RABAC1: variants seen among roughly 807,000 people sequenced by gnomAD.
RABAC1 encodes the protein Rab acceptor 1, also known as prenylated Rab acceptor protein 1.
Under a neutral mutation model 22.9 loss-of-function variants are expected in RABAC1, and 16 were observed. The observed-to-expected ratio is 0.70, with a 90% CI of 0.47 to 1.06. The LOEUF (loss-of-function observed/expected upper bound fraction) is 1.06, where lower values mean the gene tolerates loss of function less well. RABAC1 is among the 50% of genes least tolerant of loss of function. The pLI is 0.00. For synonymous variants in RABAC1, 139 were observed against 107.7 expected, an observed-to-expected ratio of 1.29 and a Z score of -1.80; for missense variants, 227 against 246.5, an observed-to-expected ratio of 0.92 and a Z score of 0.53.
chr19:41,958,077 G>A (rs532845728), intron 3 of RABAC1: 2 of 544,888 alleles, frequency 3.7e-6, no homozygotes, highest in African/African-American at 3.8e-5. Context: ...CTGGGTTTGA[G>A]GAATAGCAAT....
intron 1 of RABAC1, 27 bp from the exon 2 acceptor site, chr19:41,958,975 G>A: frequency 1.3e-6 from 2 of 1,535,908 alleles, no homozygotes; most frequent in Non-Finnish European, 8.7e-7. Context: ...CGGGTCAGTG[G>A]TGGACCGGGA....
rs1370394555 is a variant in RABAC1 at position 41,958,853 on chromosome 19, T to C, written c.152A>G (p.Gln51Arg). The change falls in exon 2 of 5, where the codon CAG becomes CGG. Residue 51 changes from glutamine (Q) to arginine (R), a missense_variant. Transcript: ENST00000222008. ...GTTGCGGGGCCGTGAGAAGCGCTGC[T>C]GGTCCACGAAGGTGCTCCAGGGCCG... ...TIRPWSTFVD[Q>R]QRFSRPRNLG... 6.2e-7 allele frequency: 1 copy of C among 1,608,168 alleles called. No individual in the cohort carries two copies. Among genetic ancestry groups the C allele is most frequent in the Non-Finnish European group, 8.5e-7 (1 of 1,179,492 alleles).
chr19:41,957,194 A>C, intron 3 of RABAC1, 75 bp from the exon 4 acceptor site: 1 of 1,227,758 alleles, frequency 8.1e-7, no homozygotes, highest in African/African-American at 1.5e-5. Context: ...CTGCCCCCCA[A>C]CAATCCGTAC....
chr19:41,957,192 C>A, intron 3 of RABAC1, 73 bp from the exon 4 acceptor site: 1 of 1,279,142 alleles, frequency 7.8e-7, no homozygotes, highest in Non-Finnish European at 1.1e-6. Flanking sequence ...TGCTGCCCCC[C>A]AACAATCCGT....
intron 3 of RABAC1, chr19:41,957,938 C>A (rs1555856925): frequency 1.0e-5 from 3 of 290,880 alleles, no homozygotes; most frequent in Admixed American, 9.4e-5. Context: ...TGTAAGGTGG[C>A]CACCTGGTGT....
At position 41,958,724 on chromosome 19, in the gene RABAC1, G is replaced by A. The variant is rs782314098; in HGVS notation, c.269+12C>T. On this transcript the variant is annotated intron_variant, in intron 2 of 4. Coordinates refer to ENST00000222008, the MANE Select transcript of RABAC1 (RefSeq NM_006423.3). ...GGGGCTAGTGCGGGTGCGGGGCCCGGGAGGCACTCACACACAGTACAGGAT... is the reference window on the plus strand; with the variant it reads ...GGGGCTAGTGCGGGTGCGGGGCCCGAGAGGCACTCACACACAGTACAGGAT... 13 of 1,608,730 alleles carry A rather than the reference G, an allele frequency of 8.1e-6. No individual in the cohort carries two copies. Among genetic ancestry groups the A allele is most frequent in the Middle Eastern group, 1.7e-4 (1 of 6,052 alleles).
At chr19:41,957,316 G>C in intron 3 of RABAC1, 197 bp from the exon 4 acceptor site, 1 of 581,574 alleles carries the variant, frequency 1.7e-6, no homozygotes, top group Non-Finnish European at 3.1e-6. Context: ...ACAGCACACC[G>C]TCCTCGCCTG....
chr19:41,958,259 G>T (rs782529231), intron 3 of RABAC1, 27 bp downstream of exon 3: 8 of 1,582,480 alleles, frequency 5.1e-6, no homozygotes, highest in Non-Finnish European at 2.6e-6. Context: ...AGGGACCAAG[G>T]ATTCATCTGG....
chr19:41,957,007 C>T lies in RABAC1; in HGVS notation c.469+11G>A. 6.2e-7 allele frequency: 1 copy of T among 1,613,696 alleles called. No individual in the cohort carries two copies. The highest frequency in any genetic ancestry group is 8.5e-7 in the Non-Finnish European group (1 of 1,179,952). On this transcript the variant is annotated intron_variant, in intron 4 of 4. Transcript: ENST00000222008. ...CACCATCCACCCCAGCTGCTCAGAC[C>T]CTGTACTCACCCAGCACCCAGAAGA...
At chr19:41,957,150 C>T (rs374765171) in intron 3 of RABAC1, 31 bp from the exon 4 acceptor site, 35 of 1,569,810 alleles carry the variant, frequency 2.2e-5, no homozygotes, top group African/African-American at 1.2e-4. Flanking sequence ...GGTGCTGTTC[C>T]GACTCTCCAT....
intron 3 of RABAC1, chr19:41,957,425 T>C: frequency 2.6e-6 from 1 of 386,486 alleles, no homozygotes; most frequent in Non-Finnish European, 4.8e-6. Context: ...GCTGCAACCC[T>C]CGCGCAGACC....
In RABAC1 at chr19:41,958,473, CT is replaced by C. The variant is rs2075000168; in HGVS notation, c.270-91del. On this transcript the variant is annotated intron_variant, in intron 2 of 4. Coordinates refer to ENST00000222008, the MANE Select transcript of RABAC1 (RefSeq NM_006423.3). ...GCCTTCTCCACCGGCGGGCGGCAAG[CT>C]ACATCCTGGAGACCAGGGAGGGCCA... is the stretch of plus-strand genomic sequence containing the variant. The C allele has an allele frequency of 1.2e-5, 15 of 1,288,134 alleles. No homozygotes were observed. In the East Asian group the frequency reaches 3.2e-4, roughly 27 times the overall value. The allele number at this position is 1,288,134 out of a possible 1,614,324, so 79.8% of individuals were successfully genotyped here.
In RABAC1 at chr19:41,959,169, G is replaced by A. The variant is rs1555857344; in HGVS notation, c.56+68C>T. 1.3e-4 allele frequency: 211 copies of A among 1,598,314 alleles called. 3 individuals are homozygous for A. The South Asian group carries it at 2.2e-3, about 17-fold the overall frequency. On this transcript the variant is annotated intron_variant, in intron 1 of 4. Transcript: ENST00000222008. ...GGGACTCCAGGCTCTCGAGGGAGGA[G>A]GGAGGAGGGGGCCGGGGGCCCGGAC...
At position 41,958,259 on chromosome 19, in the gene RABAC1, G is replaced by A. The variant is rs782529231; in HGVS notation, c.367+27C>T. On this transcript the variant is annotated intron_variant, in intron 3 of 4. Coordinates refer to ENST00000222008, the MANE Select transcript of RABAC1 (RefSeq NM_006423.3). Reference sequence around the variant, plus strand: ...AAAGACCAAGATTTGAGGGACCAAGGATTCATCTGGGCAGGGGGTTTCTCA... The same window carrying A: ...AAAGACCAAGATTTGAGGGACCAAGAATTCATCTGGGCAGGGGGTTTCTCA... The A allele has an allele frequency of 5.7e-6, 9 of 1,582,362 alleles. No homozygotes were observed. The East Asian group carries it at 1.8e-4, about 32-fold the overall frequency.
intron 3 of RABAC1, chr19:41,958,015 A>G (rs2074997860): frequency 2.5e-6 from 1 of 393,600 alleles, no homozygotes; most frequent in East Asian, 5.2e-5. Context: ...AGAGGGGAGG[A>G]GTCATGTGGT....
chr19:41,958,437 C>G, intron 2 of RABAC1, 54 bp from the exon 3 acceptor site: 4 of 1,527,978 alleles, frequency 2.6e-6, no homozygotes, highest in Non-Finnish European at 3.6e-6. Flanking sequence ...TGGGCCAGCC[C>G]GACGGCCCTG....
At chr19:41,959,198 C>G (rs374135785) in intron 1 of RABAC1, 39 bp downstream of exon 1, 2 of 1,612,084 alleles carry the variant, frequency 1.2e-6, no homozygotes, top group South Asian at 1.1e-5. Context: ...CCCGGACTCC[C>G]GGGTCTCTGG....
At chr19:41,958,996 GA>G in intron 1 of RABAC1, 48 bp from the exon 2 acceptor site, 2 of 1,497,454 alleles carry the variant, frequency 1.3e-6, no homozygotes, top group South Asian at 2.5e-5. Flanking sequence ...TGGAGCCCCA[GA>G]CCCCCGCAAA....
At chr19:41,958,138 G>T in intron 3 of RABAC1, 148 bp downstream of exon 3, 1 of 675,506 alleles carries the variant, frequency 1.5e-6, no homozygotes, top group Non-Finnish European at 2.6e-6. Flanking sequence ...GAGATTTTAA[G>T]GGATCAGGTT....
Sources: gnomAD v4.1 joint callset for allele counts on GRCh38, gnomAD v4.1.1 for gene constraint, MANE v1.5 for transcripts, NCBI Gene and HGNC (gene_info 2026-07-23, HGNC 2026-07-21) for gene names.